ADAM28: variants seen among roughly 807,000 people sequenced by gnomAD.
ADAM28 encodes disintegrin and metalloproteinase domain-containing protein 28.
Under a neutral mutation model 101.2 loss-of-function variants are expected in ADAM28, and 105 were observed. That is an observed-to-expected ratio of 1.04 (90% CI 0.89 to 1.22). The LOEUF is 1.22. ADAM28 is among the 50% of genes most tolerant of loss of function. ADAM28 has a pLI of 0.00. For synonymous variants in ADAM28, 322 were observed against 310.6 expected, an observed-to-expected ratio of 1.04 and a Z score of -0.39; for missense variants, 1,028 against 945.4, an observed-to-expected ratio of 1.09 and a Z score of -1.15.
At chr8:24,342,340 T>C (rs1162441611) in intron 16 of ADAM28, among the ~76,000 whole-genome samples, 1 of 152,156 alleles carries the variant, frequency 6.6e-6, no homozygotes, top group East Asian at 1.9e-4. Context: ...CCTCAGAATA[T>C]TATCCTATTT....
intron 8 of ADAM28, among the ~76,000 whole-genome samples, chr8:24,322,910 C>A (rs1797854206): frequency 6.6e-6 from 1 of 151,788 alleles, no homozygotes; most frequent in African/African-American, 2.4e-5. Flanking sequence ...TTAGAGTAAG[C>A]ATATTGTTTC....
intron 2 of ADAM28, chr8:24,308,856 G>A: frequency 2.7e-6 from 1 of 367,888 alleles, no homozygotes; most frequent in South Asian, 2.1e-5. Context: ...TTGTCTGTCT[G>A]TGAGCTCAGA....
intron 18 of ADAM28, among the ~76,000 whole-genome samples, chr8:24,348,420 C>T (rs779301425): frequency 1.2e-4 from 19 of 152,092 alleles, no homozygotes; most frequent in East Asian, 7.7e-4. Flanking sequence ...ACATCATTAT[C>T]ACCCCAAGCC....
At chr8:24,351,927 C>A in intron 20 of ADAM28, 60 bp from the exon 21 acceptor site, 1 of 1,578,042 alleles carries the variant, frequency 6.3e-7, no homozygotes. Flanking sequence ...TTAAAAATTA[C>A]TTAAAAACTG....
chr8:24,333,735 GA>G (rs1474240674), intron 13 of ADAM28, among the ~76,000 whole-genome samples: 1 of 152,054 alleles, frequency 6.6e-6, no homozygotes, highest in East Asian at 1.9e-4. Context: ...TTCAATCTTT[GA>G]AGCCACTTCA....
intron 2 of ADAM28, among the ~76,000 whole-genome samples, chr8:24,304,370 G>GT (rs1809263098): frequency 6.6e-6 from 1 of 151,714 alleles, no homozygotes; most frequent in Non-Finnish European, 1.5e-5. Context: ...CTGATCCATA[G>GT]TGCAAGTATA....
At chr8:24,346,455 C>A (rs1815409966) in intron 18 of ADAM28, among the ~76,000 whole-genome samples, 2 of 151,920 alleles carry the variant, frequency 1.3e-5, no homozygotes, top group South Asian at 4.1e-4. Flanking sequence ...CAACTGTATC[C>A]CAACATCAAT....
intron 8 of ADAM28, 73 bp downstream of exon 8, chr8:24,321,362 A>C: frequency 4.0e-6 from 5 of 1,243,448 alleles, no homozygotes; most frequent in Non-Finnish European, 5.9e-6. Flanking sequence ...CAATGAACGC[A>C]CATGAAGCAT....
At position 24,335,615 on chromosome 8, in the gene ADAM28, A is replaced by G; in HGVS notation, c.1541A>G (p.Glu514Gly). ...ATGGGGACATGCCCCACACTGCAGG[A>G]GCAGTGCACAGAGCTGTGGGGACCA... ...CLMGTCPTLQEQCTELWGPGT... is the reference protein window; with the variant it reads ...CLMGTCPTLQGQCTELWGPGT... The change falls in exon 14 of 23, where the codon GAG (glutamate) becomes GGG (glycine). Residue 514 changes from glutamate to glycine, a missense_variant. Physicochemically the swap from Glu to Gly is moderately conservative, Grantham distance 98. Transcript: ENST00000265769. 1 of 1,612,376 alleles carries G rather than the reference A, an allele frequency of 6.2e-7. No homozygotes were observed. Among genetic ancestry groups the G allele is most frequent in the Non-Finnish European group, 8.5e-7 (1 of 1,179,144 alleles).
At position 24,343,189 on chromosome 8, in the gene ADAM28, C is replaced by T; in HGVS notation, c.1911+8C>T. Reference sequence around the variant, plus strand: ...AAGTGCAAAGGACATGCTGTAAGTTCTGAAAATATGTTTCCCTAAGCTCTC... The same window carrying T: ...AAGTGCAAAGGACATGCTGTAAGTTTTGAAAATATGTTTCCCTAAGCTCTC... On this transcript the variant is annotated splice_region_variant and intron_variant, in intron 17 of 22. Coordinates refer to ENST00000265769, the MANE Select transcript of ADAM28 (RefSeq NM_014265.6). The T allele has an allele frequency of 6.2e-7, 1 of 1,613,092 alleles. No individual in the cohort carries two copies. Among genetic ancestry groups the T allele is most frequent in the South Asian group, 1.1e-5 (1 of 91,060 alleles).
intron 16 of ADAM28, among the ~76,000 whole-genome samples, chr8:24,341,978 C>G (rs546145335): frequency 6.6e-6 from 1 of 152,108 alleles, no homozygotes; most frequent in African/African-American, 2.4e-5. Flanking sequence ...TTCTCAAACA[C>G]TGTGGTGAAA....
chr8:24,343,548 A>G lies in ADAM28; in HGVS notation c.1954A>G (p.Ile652Val). Residue 652 changes from isoleucine (I) to valine (V), a missense_variant, in exon 18 of 23, where the codon ATC becomes GTC. Physicochemically the swap from Ile to Val is conservative, Grantham distance 29. Coordinates refer to ENST00000265769, the MANE Select transcript of ADAM28 (RefSeq NM_014265.6). ...CCAGTGTCAATGTGAGGAAGGATGGATCCCTCCCGACTGCGATGACTCCTC... is the reference window on the plus strand; with the variant it reads ...CCAGTGTCAATGTGAGGAAGGATGGGTCCCTCCCGACTGCGATGACTCCTC... ...ELQCQCEEGW[I>V]PPDCDDSSVV... 1 of 1,613,754 alleles carries G rather than the reference A, an allele frequency of 6.2e-7. No homozygotes were observed. The highest frequency in any genetic ancestry group is 8.5e-7 in the Non-Finnish European group (1 of 1,179,808).
intron 14 of ADAM28, among the ~76,000 whole-genome samples, chr8:24,339,015 C>T (rs912320471): frequency 6.6e-6 from 1 of 151,754 alleles, no homozygotes; most frequent in African/African-American, 2.4e-5. Flanking sequence ...TATATATGTT[C>T]ACATAAATAT....
chr8:24,350,499 T>TG lies in ADAM28; in HGVS notation c.2099+531dup, dbSNP rs149776526. Among the ~76,000 whole-genome samples, 438 of 152,144 alleles carry TG rather than the reference T, an allele frequency of 2.9e-3. 3 individuals are homozygous for TG. The highest frequency in any genetic ancestry group is 9.3e-3 in the African/African-American group (386 of 41,508). ...GTTATTTTTGTATTTTTAGTAGAGA[T>TG]GGGGTTTCACCATGTTGGCCAACCT... On this transcript the variant is annotated intron_variant, in intron 19 of 22. Transcript: ENST00000265769.
Position 24,343,567 on chromosome 8 carries a change from A to G in ADAM28, c.1973A>G (p.Asp658Gly), listed in dbSNP as rs187708435. 1 of 1,613,282 alleles carries G rather than the reference A, an allele frequency of 6.2e-7. No individual in the cohort carries two copies. The highest frequency in any genetic ancestry group is 2.2e-5 in the East Asian group (1 of 44,836). Residue 658 changes from aspartate (D) to glycine (G), a missense_variant, in exon 18 of 23, where the codon GAC (aspartate) becomes GGC (glycine). Asp to Gly is a moderately conservative substitution (Grantham distance 94). Transcript: ENST00000265769. ...EEGWIPPDCD[D>G]SSVVFHFSIV... ...GGATGGATCCCTCCCGACTGCGATG[A>G]CTCCTCAGTGGTCTTCCGTAGGTAA...
At position 24,341,823 on chromosome 8, in the gene ADAM28, C is replaced by T. The variant is rs181429966; in HGVS notation, c.1830+66C>T. The T allele has an allele frequency of 4.4e-5, 70 of 1,601,308 alleles. 2 individuals are homozygous for T. In the Middle Eastern group the frequency reaches 8.3e-3, roughly 190 times the overall value. On this transcript the variant is annotated intron_variant, in intron 16 of 22. Transcript: ENST00000265769. ...TACTTTGGTGTGCTTTGTTGTTTTG[C>T]CCCTCGGTTATTCACTATGTGCCTT...
chr8:24,317,083 T>C (rs896081926), intron 6 of ADAM28, among the ~76,000 whole-genome samples: 1 of 151,972 alleles, frequency 6.6e-6, no homozygotes, highest in African/African-American at 2.4e-5. Flanking sequence ...TATCCCATGC[T>C]CATGAATTAG....
intron 1 of ADAM28, among the ~76,000 whole-genome samples, chr8:24,298,392 G>A (rs1286864494): frequency 6.6e-6 from 1 of 152,026 alleles, no homozygotes; most frequent in Non-Finnish European, 1.5e-5. Flanking sequence ...GTCGTTAAAT[G>A]AATTAAAGTC....
intron 2 of ADAM28, among the ~76,000 whole-genome samples, chr8:24,302,272 G>A (rs992176325): frequency 6.6e-6 from 1 of 152,058 alleles, no homozygotes. Flanking sequence ...ACATGATCCT[G>A]TTCCTTTTTA....
Sources: allele counts gnomAD v4.1 joint callset (sites outside exome capture counted in the v4.1 genomes callset), GRCh38; gene constraint gnomAD v4.1.1; transcripts MANE v1.5; gene names NCBI Gene and HGNC (gene_info 2026-07-23, HGNC 2026-07-21).